The following PCDH15 variants were observed in gnomAD, a reference collection of about 807,000 sequenced individuals.
The protein encoded by PCDH15 is protocadherin related 15.
PCDH15 carries 129 observed loss-of-function variants against 178.5 expected under a neutral mutation model. That is an observed-to-expected ratio of 0.72 (90% CI 0.63 to 0.84). The LOEUF is 0.84. Among genes scored for constraint, PCDH15 ranks in the 40% least tolerant of loss-of-function variants. The pLI is 0.00. For missense variants in PCDH15, 2,230 were observed against 2,099.9 expected (o/e 1.06, Z -1.21); for synonymous variants, 800 against 732.0 (o/e 1.09, Z -1.50).
chr10:54,940,848 T>C (rs1838043446), intron 2 of PCDH15, among the ~76,000 whole-genome samples: 1 of 152,106 alleles, frequency 6.6e-6, no homozygotes, highest in African/African-American at 2.4e-5. Context: ...ATGGTTCCTC[T>C]AGCATTCTTG....
chr10:54,983,907 A>G (rs928723045), intron 2 of PCDH15, among the ~76,000 whole-genome samples: 2 of 152,180 alleles, frequency 1.3e-5, no homozygotes, highest in Non-Finnish European at 2.9e-5. Flanking sequence ...AATTGATAGA[A>G]AGTGATTCAA....
At chr10:54,000,445 A>G (rs1275931503) in intron 20 of PCDH15, among the ~76,000 whole-genome samples, 1 of 152,164 alleles carries the variant, frequency 6.6e-6, no homozygotes, top group Non-Finnish European at 1.5e-5. Context: ...AACACAGAGA[A>G]GAAATTTAGA....
At chr10:55,621,719 A>G (rs1156961208) in intron 2 of PCDH15, among the ~76,000 whole-genome samples, 1 of 151,990 alleles carries the variant, frequency 6.6e-6, no homozygotes, top group African/African-American at 2.4e-5. Context: ...CTGGTCTGTG[A>G]AAAATTTTCT....
intron 27 of PCDH15, 38 bp downstream of exon 27, chr10:53,866,604 C>G (rs762131389): frequency 2.7e-6 from 4 of 1,487,960 alleles, no homozygotes; most frequent in Non-Finnish European, 3.8e-6. Context: ...TGGCTAGTAT[C>G]GTAGCTACTT....
chr10:55,475,541 A>G (rs1398963720), intron 2 of PCDH15, among the ~76,000 whole-genome samples: 1 of 152,146 alleles, frequency 6.6e-6, no homozygotes, highest in Non-Finnish European at 1.5e-5. Flanking sequence ...GTATGATGCC[A>G]TAAGTGGAAA....
At chr10:53,959,520 C>T (rs937039776) in intron 23 of PCDH15, among the ~76,000 whole-genome samples, 32 of 152,010 alleles carry the variant, frequency 2.1e-4, no homozygotes, top group African/African-American at 7.2e-4. Flanking sequence ...AAAAAGTATC[C>T]ATTATTCATT....
At chr10:54,090,521 G>A (rs926103300) in intron 15 of PCDH15, among the ~76,000 whole-genome samples, 1 of 151,848 alleles carries the variant, frequency 6.6e-6, no homozygotes, top group African/African-American at 2.4e-5. Context: ...GTGCACACCT[G>A]TAACCCCAGC....
chr10:54,132,401 T>G (rs1450881975), intron 15 of PCDH15, among the ~76,000 whole-genome samples: 1 of 152,124 alleles, frequency 6.6e-6, no homozygotes, highest in Non-Finnish European at 1.5e-5. Flanking sequence ...AATTACAAGA[T>G]TTGCCTATGG....
chr10:55,351,893 C>T (rs889676859), intron 2 of PCDH15, among the ~76,000 whole-genome samples: 2 of 152,092 alleles, frequency 1.3e-5, no homozygotes, highest in African/African-American at 2.4e-5. Flanking sequence ...TGTCAAAATT[C>T]CTATTATTTT....
In PCDH15 at chr10:55,210,618, C is replaced by CTTTTTTTTTTTTTTTTTT. The variant is rs11412877; in HGVS notation, c.-155-43985_-155-43968dup. ...ACGATTTTTTTTTCTTTTTTCTTTT[C>CTTTTTTTTTTTTTTTTTT]TTTTTTTTTTTTTTTTTTTTTTTTT... On this transcript the variant is annotated intron_variant, in intron 1 of 5. Transcript: ENST00000458638. 1.7e-4 allele frequency among the ~76,000 whole-genome samples: 7 copies of CTTTTTTTTTTTTTTTTTT among 40,332 alleles called. 1 individual carries two copies. The highest frequency in any genetic ancestry group is 4.7e-4 in the Admixed American group (1 of 2,108). 26.5% of individuals were successfully genotyped at this position (40,332 alleles called of 152,430 possible).
chr10:54,383,706 C>T lies in PCDH15; in HGVS notation c.158-4764G>A, dbSNP rs915762671. Among the ~76,000 whole-genome samples, 3 of 149,178 alleles carry T rather than the reference C, an allele frequency of 2.0e-5. No individual in the cohort carries two copies. In the East Asian group the frequency reaches 5.8e-4, roughly 29 times the overall value. On this transcript the variant is annotated intron_variant, in intron 3 of 37. Transcript: ENST00000644397. Reference sequence around the variant, plus strand: ...AAGTGGGTAAAAAACAATCTTCATACCCCACTCTCCTCAACCAAAAAAAAA... The same window carrying T: ...AAGTGGGTAAAAAACAATCTTCATATCCCACTCTCCTCAACCAAAAAAAAA...
chr10:54,611,074 A>G (rs2134242931), intron 2 of PCDH15, among the ~76,000 whole-genome samples: 1 of 151,932 alleles, frequency 6.6e-6, no homozygotes, highest in Non-Finnish European at 1.5e-5. Flanking sequence ...GAGTAACACA[A>G]TATAGTCCAC....
intron 1 of PCDH15, among the ~76,000 whole-genome samples, chr10:55,180,245 C>T (rs1489710126): frequency 6.6e-6 from 1 of 151,946 alleles, no homozygotes; most frequent in East Asian, 1.9e-4. Flanking sequence ...CCAGGAAAAT[C>T]TGATAATTTG....
At chr10:54,540,591 TG>T (rs1394760354) in intron 2 of PCDH15, among the ~76,000 whole-genome samples, 1 of 152,082 alleles carries the variant, frequency 6.6e-6, no homozygotes, top group African/African-American at 2.4e-5. Context: ...AAAGAAGAGC[TG>T]GTACCAAATC....
At chr10:55,211,069 G>C (rs1840559178) in intron 1 of PCDH15, among the ~76,000 whole-genome samples, 1 of 152,016 alleles carries the variant, frequency 6.6e-6, no homozygotes, top group African/African-American at 2.4e-5. Context: ...TGAATGGAGG[G>C]AACAGAGACT....
At chr10:54,782,464 G>A (rs1381810074) in intron 1 of PCDH15, among the ~76,000 whole-genome samples, 3 of 152,078 alleles carry the variant, frequency 2.0e-5, no homozygotes, top group African/African-American at 7.2e-5. Flanking sequence ...AATTTTATGT[G>A]TCAAGTAATG....
intron 2 of PCDH15, among the ~76,000 whole-genome samples, chr10:54,648,675 A>G (rs1350137610): frequency 6.6e-6 from 1 of 152,176 alleles, no homozygotes; most frequent in Non-Finnish European, 1.5e-5. Context: ...TTTGGCACTT[A>G]CAAATACCAC....
chr10:55,300,031 T>C (rs767077260), intron 1 of PCDH15, among the ~76,000 whole-genome samples: 4 of 152,172 alleles, frequency 2.6e-5, no homozygotes, highest in Non-Finnish European at 4.4e-5. Context: ...ATAAATGCAA[T>C]ATATATAGTT....
At chr10:53,848,456 G>T (rs2078124458) in intron 28 of PCDH15, among the ~76,000 whole-genome samples, 1 of 151,944 alleles carries the variant, frequency 6.6e-6, no homozygotes, top group South Asian at 2.1e-4. Context: ...TGAACTGAAT[G>T]ATATTTGAGG....
Sources: allele counts gnomAD v4.1 joint callset (sites outside exome capture counted in the v4.1 genomes callset), GRCh38; gene constraint gnomAD v4.1.1; transcripts MANE v1.5; gene names NCBI Gene and HGNC (gene_info 2026-07-23, HGNC 2026-07-21).